The following LMBR1 variants were observed in gnomAD, a reference collection of about 807,000 sequenced individuals.
LMBR1 encodes the protein limb region 1 protein homolog.
Under a neutral mutation model 73.9 loss-of-function variants are expected in LMBR1, and 52 were observed. The observed-to-expected ratio is 0.70, with a 90% confidence interval of 0.56 to 0.89. The LOEUF (loss-of-function observed/expected upper bound fraction) is 0.89. Among genes scored for constraint, LMBR1 ranks in the 40% least tolerant of loss-of-function variants. The probability of loss-of-function intolerance (pLI) is 0.00; values close to 1 mark genes in which losing one functional copy is unlikely to be tolerated. For missense variants in LMBR1, 539 were observed against 579.8 expected (o/e 0.93, Z 0.72); for synonymous variants, 215 against 209.4 (o/e 1.03, Z -0.23).
chr7:156,810,475 C>G (rs1311135712), intron 4 of LMBR1, among the ~76,000 whole-genome samples: 2 of 152,206 alleles, frequency 1.3e-5, no homozygotes, highest in Non-Finnish European at 2.9e-5. Context: ...TCACTGCAGC[C>G]TCTGCCTCCC....
chr7:156,803,925 T>C (rs1237225558), intron 4 of LMBR1, among the ~76,000 whole-genome samples: 2 of 137,232 alleles, frequency 1.5e-5, no homozygotes, highest in Admixed American at 8.4e-5. Context: ...TTCTCACTCA[T>C]AGGTGGGAAT....
At chr7:156,785,114 A>T (rs1223373777) in intron 5 of LMBR1, among the ~76,000 whole-genome samples, 1 of 152,174 alleles carries the variant, frequency 6.6e-6, no homozygotes, top group Non-Finnish European at 1.5e-5. Flanking sequence ...TTGGAATGAT[A>T]CAAAACATGA....
At chr7:156,790,529 A>G (rs1407486936) in intron 5 of LMBR1, among the ~76,000 whole-genome samples, 2 of 152,066 alleles carry the variant, frequency 1.3e-5, no homozygotes, top group Non-Finnish European at 2.9e-5. Context: ...AAGTATAGAA[A>G]TTTATCATTT....
intron 15 of LMBR1, among the ~76,000 whole-genome samples, chr7:156,714,799 C>T (rs371270471): frequency 6.6e-6 from 1 of 152,100 alleles, no homozygotes; most frequent in Non-Finnish European, 1.5e-5. Flanking sequence ...TTATCAAGTG[C>T]CTGGCACTAA....
chr7:156,734,137 C>A, intron 10 of LMBR1, 40 bp downstream of exon 10: 2 of 1,278,886 alleles, frequency 1.6e-6, no homozygotes, highest in South Asian at 1.4e-5. Flanking sequence ...AATAAGAAAC[C>A]AAGGCCAATA....
At chr7:156,787,587 A>T (rs1302985713) in intron 5 of LMBR1, among the ~76,000 whole-genome samples, 2 of 152,222 alleles carry the variant, frequency 1.3e-5, no homozygotes, top group Non-Finnish European at 2.9e-5. Flanking sequence ...ATATTTTTGA[A>T]ACTCTAATCT....
In LMBR1 at chr7:156,722,412, G is replaced by C. The variant is rs549087853; in HGVS notation, c.1225+1700C>G. ...TAAAATCAAAGACTCAATTCTAAAGGGTTAATAGAGGAATTACAAAGTAAC... is the reference window on the plus strand; with the variant it reads ...TAAAATCAAAGACTCAATTCTAAAGCGTTAATAGAGGAATTACAAAGTAAC... On this transcript the variant is annotated intron_variant, in intron 15 of 16. Transcript: ENST00000353442. Among the ~76,000 whole-genome samples, 7 of 152,048 alleles carry C rather than the reference G, an allele frequency of 4.6e-5. 1 individual carries two copies. In the South Asian group the frequency reaches 1.5e-3, roughly 32 times the overall value.
chr7:156,741,885 A>T lies in LMBR1; in HGVS notation c.758-7628T>A, dbSNP rs561944632. ...GCACAAGGATCATTCTCAAGGACAGACCATATGTTAGGTCACAACAGAAGT... is the reference window on the plus strand; with the variant it reads ...GCACAAGGATCATTCTCAAGGACAGTCCATATGTTAGGTCACAACAGAAGT... On this transcript the variant is annotated intron_variant, in intron 9 of 16. Transcript: ENST00000353442. Among the ~76,000 whole-genome samples, 43 of 152,326 alleles carry T rather than the reference A, an allele frequency of 2.8e-4. No individual in the cohort carries two copies. The South Asian group carries it at 8.9e-3, about 32-fold the overall frequency.
At chr7:156,809,530 A>G (rs1046340823) in intron 4 of LMBR1, among the ~76,000 whole-genome samples, 1 of 152,246 alleles carries the variant, frequency 6.6e-6, no homozygotes, top group African/African-American at 2.4e-5. Context: ...TACAGTGTAA[A>G]TCTATGTAAA....
rs28817667 is a variant in LMBR1 at position 156,882,039 on chromosome 7, C to T, written c.66+10889G>A. Reference sequence around the variant, plus strand: ...ATTAGCACTTCTATATCCACTGAGGCAATATTCACAATAGCAAAGATGTGG... The same window carrying T: ...ATTAGCACTTCTATATCCACTGAGGTAATATTCACAATAGCAAAGATGTGG... On this transcript the variant is annotated intron_variant, in intron 1 of 16. Transcript: ENST00000353442. 3.1e-3 allele frequency among the ~76,000 whole-genome samples: 478 copies of T among 152,266 alleles called. 4 individuals are homozygous for T. The highest frequency in any genetic ancestry group is 0.014 in the Middle Eastern group (4 of 294).
chr7:156,847,064 T>C (rs968001447), intron 1 of LMBR1, among the ~76,000 whole-genome samples: 3 of 152,128 alleles, frequency 2.0e-5, no homozygotes, highest in African/African-American at 7.2e-5. Flanking sequence ...AGCATGACAT[T>C]GATGGAAAAA....
intron 1 of LMBR1, among the ~76,000 whole-genome samples, chr7:156,885,427 A>G (rs968501721): frequency 7.9e-5 from 12 of 151,990 alleles, no homozygotes; most frequent in African/African-American, 2.9e-4. Context: ...GGGGAGCTTA[A>G]GCCATACCCA....
rs79568560 is a variant in LMBR1 at position 156,748,486 on chromosome 7, T to C, written c.757+7907A>G. Among the ~76,000 whole-genome samples the C allele has an allele frequency of 2.6e-4, 39 of 152,204 alleles. No individual in the cohort carries two copies. The East Asian group carries it at 7.1e-3, about 28-fold the overall frequency. On this transcript the variant is annotated intron_variant, in intron 9 of 16. Transcript: ENST00000353442. ...TAAATTCATCTTCTACTACACAAATTTGGATTTTTTTTTCTTTATTGAGGC... is the reference window on the plus strand; with the variant it reads ...TAAATTCATCTTCTACTACACAAATCTGGATTTTTTTTTCTTTATTGAGGC...
intron 15 of LMBR1, among the ~76,000 whole-genome samples, chr7:156,703,729 T>C (rs1178129728): frequency 3.3e-5 from 5 of 152,040 alleles, no homozygotes; most frequent in Non-Finnish European, 7.4e-5. Context: ...ACAATCACCA[T>C]GGGGGACCTG....
At chr7:156,812,521 T>C (rs922197236) in intron 4 of LMBR1, among the ~76,000 whole-genome samples, 1 of 151,574 alleles carries the variant, frequency 6.6e-6, no homozygotes, top group African/African-American at 2.4e-5. Flanking sequence ...GGCTGAGAGG[T>C]AGGAAGGAAA....
At chr7:156,887,919 C>T (rs1405182966) in intron 1 of LMBR1, among the ~76,000 whole-genome samples, 1 of 152,166 alleles carries the variant, frequency 6.6e-6, no homozygotes, top group African/African-American at 2.4e-5. Flanking sequence ...CAATGCTGAA[C>T]TTCACTTATA....
chr7:156,886,926 A>C (rs530663879), intron 1 of LMBR1, among the ~76,000 whole-genome samples: 2 of 152,296 alleles, frequency 1.3e-5, no homozygotes, highest in Admixed American at 6.5e-5. Flanking sequence ...GGCGTGTCAG[A>C]TGTCCCATCC....
intron 1 of LMBR1, among the ~76,000 whole-genome samples, chr7:156,837,582 A>G (rs1837893553): frequency 6.6e-6 from 1 of 152,146 alleles, no homozygotes; most frequent in Non-Finnish European, 1.5e-5. Context: ...AAAAGCTTCA[A>G]TTCATTTAAA....
In LMBR1 at chr7:156,756,414, C is replaced by T. The variant is rs746870245; in HGVS notation, c.736G>A (p.Ala246Thr). The change falls in exon 9 of 17, where the codon GCA becomes ACA. Residue 246 changes from alanine (A) to threonine (T), a missense_variant. By Grantham distance (58) the Ala-to-Thr change is moderately conservative (BLOSUM62 0). This residue lies in a region of LMBR1 where 454 missense variants were observed against 473.4 expected (regional missense o/e 0.96). Coordinates refer to ENST00000353442, the MANE Select transcript of LMBR1 (RefSeq NM_022458.4). ...QIYIITLEEE[A>T]LQRRLNGLSS... ...ATACCATTTAGTCGTCTCTGGAGTG[C>T]TTCTTCCTCTAAGGTAATGATATAA... 2 of 1,498,656 alleles carry T rather than the reference C, an allele frequency of 1.3e-6. No homozygotes were observed. The highest frequency in any genetic ancestry group is 1.8e-6 in the Non-Finnish European group (2 of 1,083,218). The allele number at this position is 1,498,656 out of a possible 1,614,324, so 92.8% of individuals were successfully genotyped here.
Sources: allele counts gnomAD v4.1 joint callset (sites outside exome capture counted in the v4.1 genomes callset), GRCh38; gene constraint gnomAD v4.1.1; regional missense constraint gnomAD v4.1.1; transcripts MANE v1.5; gene names NCBI Gene and HGNC (gene_info 2026-07-23, HGNC 2026-07-21).